The following TCAF1 variants were observed in gnomAD, a reference collection of about 807,000 sequenced individuals.
TCAF1 encodes the protein TRPM8 channel-associated factor 1.
Under a neutral mutation model 27.3 loss-of-function variants are expected in TCAF1, and 4 were observed. The ratio of observed to expected loss-of-function variants is 0.15; its 90% CI spans 0.07 to 0.34. TCAF1 has a LOEUF of 0.34. TCAF1 is among the 10% of genes least tolerant of loss of function. TCAF1 has a pLI of 1.00. For missense variants in TCAF1, 257 were observed against 425.8 expected, an observed-to-expected ratio of 0.60 and a Z score of 3.49; for synonymous variants, 105 against 167.1, an observed-to-expected ratio of 0.63 and a Z score of 2.87.
intron 1 of TCAF1, among the ~76,000 whole-genome samples, chr7:143,892,145 G>T (rs1029583014): frequency 6.6e-6 from 1 of 152,070 alleles, no homozygotes; most frequent in African/African-American, 2.4e-5. Flanking sequence ...AGTGCTGTAG[G>T]AATTAATAGA....
At chr7:143,886,621 G>T (rs1813414336) in intron 1 of TCAF1, 1 of 704,038 alleles carries the variant, frequency 1.4e-6, no homozygotes, top group Admixed American at 6.3e-5. Flanking sequence ...GCAGAAAATG[G>T]ATGAAATTAC....
chr7:143,879,718 G>T (rs1812913964), intron 1 of TCAF1, among the ~76,000 whole-genome samples: 1 of 152,044 alleles, frequency 6.6e-6, no homozygotes, highest in Admixed American at 6.5e-5. Context: ...AACCATTTTT[G>T]ATTCTTGTGG....
chr7:143,886,421 T>C (rs1191635522), intron 1 of TCAF1: 1 of 794,678 alleles, frequency 1.3e-6, no homozygotes, highest in Non-Finnish European at 1.5e-6. Flanking sequence ...CCCATATAAA[T>C]TAAGGGTTTC....
intron 1 of TCAF1, among the ~76,000 whole-genome samples, chr7:143,884,209 G>A (rs185613320): frequency 1.3e-5 from 2 of 152,248 alleles, no homozygotes; most frequent in Admixed American, 1.3e-4. Flanking sequence ...TCAGGAAAAT[G>A]CATACCTTTT....
chr7:143,891,276 CAG>C (rs1157283325), intron 1 of TCAF1, among the ~76,000 whole-genome samples: 5 of 151,956 alleles, frequency 3.3e-5, no homozygotes, highest in African/African-American at 1.2e-4. Context: ...GTTAAAAAAA[CAG>C]AATAAGTTGC....
intron 1 of TCAF1, chr7:143,882,715 C>T: frequency 2.0e-6 from 2 of 984,104 alleles, no homozygotes; most frequent in South Asian, 4.7e-5. Flanking sequence ...GCCTGCCAGG[C>T]TTTTGGAGAG....
chr7:143,851,869 C>G lies in TCAF1; in HGVS notation c.*2264G>C, dbSNP rs1158454404. ...CTTCTCTTCCTCTAATTCTCAATCT[C>G]TTTCTGCTTTCTTTCCCTTTGTCAG... On this transcript the variant is annotated 3_prime_UTR_variant, in exon 9 of 9. Transcript: ENST00000479870. 1 of 152,110 alleles carries G rather than the reference C, an allele frequency of 6.6e-6. No individual in the cohort carries two copies. Among genetic ancestry groups the G allele is most frequent in the Non-Finnish European group, 1.5e-5 (1 of 68,044 alleles). The allele number at this position is 152,110 out of a possible 1,614,324, so 9.4% of individuals were successfully genotyped here.
intron 1 of TCAF1, among the ~76,000 whole-genome samples, chr7:143,890,563 A>G (rs1409243730): frequency 6.6e-6 from 1 of 152,264 alleles, no homozygotes; most frequent in African/African-American, 2.4e-5. Flanking sequence ...CTGAAGACTC[A>G]GAAAAGTAAA....
chr7:143,878,443 G>T (rs1812841941), intron 1 of TCAF1, among the ~76,000 whole-genome samples: 1 of 152,158 alleles, frequency 6.6e-6, no homozygotes, highest in Admixed American at 6.5e-5. Context: ...CACACAGGCT[G>T]TGGGCCTTCC....
chr7:143,901,904 C>T (rs1238694738), intron 1 of TCAF1, 57 bp downstream of exon 1: 1 of 152,228 alleles, frequency 6.6e-6, no homozygotes, highest in Non-Finnish European at 1.5e-5. Context: ...CACGCCCGGC[C>T]CTCCCCAGAC....
At chr7:143,886,543 A>C (rs1370774933) in intron 1 of TCAF1, 1 of 984,684 alleles carries the variant, frequency 1.0e-6, no homozygotes, top group Non-Finnish European at 1.2e-6. Context: ...CACTGGATGG[A>C]TGGATGAAAT....
chr7:143,885,429 C>G lies in TCAF1; in HGVS notation c.-14-8807G>C, dbSNP rs1020658934. On this transcript the variant is annotated intron_variant, in intron 1 of 8. Coordinates refer to ENST00000479870, the MANE Select transcript of TCAF1 (RefSeq NM_014719.3). Reference sequence around the variant, plus strand: ...GCCGCGGGTGGAGGCGGAGCTTGGCCGCCGCCCCCGGACCGCAGAGGCCCG... The same window carrying G: ...GCCGCGGGTGGAGGCGGAGCTTGGCGGCCGCCCCCGGACCGCAGAGGCCCG... 3.1e-5 allele frequency: 31 copies of G among 985,292 alleles called. No homozygotes were observed. In the Admixed American group the frequency reaches 4.3e-4, roughly 14 times the overall value. The allele number at this position is 985,292 out of a possible 1,614,324, so 61.0% of individuals were successfully genotyped here.
At chr7:143,886,286 G>A (rs886650838) in intron 1 of TCAF1, among the ~76,000 whole-genome samples, 1 of 152,090 alleles carries the variant, frequency 6.6e-6, no homozygotes, top group African/African-American at 2.4e-5. Context: ...GGGTTGTCCT[G>A]GGACCAAACT....
At chr7:143,879,871 C>G (rs576166725) in intron 1 of TCAF1, among the ~76,000 whole-genome samples, 1 of 152,186 alleles carries the variant, frequency 6.6e-6, no homozygotes, top group East Asian at 1.9e-4. Flanking sequence ...CCATCAGAAC[C>G]CTTCTCCCTC....
intron 6 of TCAF1, among the ~76,000 whole-genome samples, chr7:143,859,889 AATATATATTATATAATATATAT>A (rs1563210871): frequency 8.1e-5 from 7 of 86,748 alleles, no homozygotes; most frequent in African/African-American, 3.2e-4. Context: ...ACATATATAT[AATATATATTATATAATATATAT>A]TACGGAATAT....
At chr7:143,885,161 G>A in intron 1 of TCAF1, 1 of 985,530 alleles carries the variant, frequency 1.0e-6, no homozygotes, top group African/African-American at 1.7e-5. Flanking sequence ...ATTGGTCCGT[G>A]TGCCCGGGCC....
intron 1 of TCAF1, chr7:143,886,388 G>C: frequency 2.0e-6 from 1 of 490,116 alleles, no homozygotes; most frequent in Non-Finnish European, 2.6e-6. Flanking sequence ...GGCTTCAGTG[G>C]TGAAAGGGAC....
In TCAF1 at chr7:143,852,521, T is replaced by C. The variant is rs1209960745; in HGVS notation, c.*1612A>G. ...GGTGCAAAGGAGACTTTCTGAAAAT[T>C]TGCCTGACAGAAAATGTCTTCACTT... On this transcript the variant is annotated 3_prime_UTR_variant, in exon 9 of 9. Transcript: ENST00000479870. 6.5e-6 allele frequency: 1 copy of C among 153,292 alleles called. No individual in the cohort carries two copies. Among genetic ancestry groups the C allele is most frequent in the African/African-American group, 2.4e-5 (1 of 41,512 alleles). The allele number at this position is 153,292 out of a possible 1,614,324, so 9.5% of individuals were successfully genotyped here.
intron 1 of TCAF1, chr7:143,885,024 G>C: frequency 1.0e-6 from 1 of 985,380 alleles, no homozygotes; most frequent in Non-Finnish European, 1.2e-6. Context: ...GGGGGTCCCA[G>C]GCCAAAAACG....
Sources: gnomAD v4.1 joint callset for allele counts (sites outside exome capture counted in the v4.1 genomes callset) on GRCh38, gnomAD v4.1.1 for gene constraint, MANE v1.5 for transcripts, NCBI Gene and HGNC (gene_info 2026-07-23, HGNC 2026-07-21) for gene names.